The following NANOS3 variants were observed in gnomAD, a reference collection of about 807,000 sequenced individuals.
The protein encoded by NANOS3 is nanos C2HC-type zinc finger 3, also known as nanos homolog 3.
A neutral mutation model predicts 13.8 loss-of-function variants in NANOS3; 11 were observed. That is an observed-to-expected ratio of 0.80 (90% CI 0.50 to 1.32). The LOEUF is 1.32. Among genes scored for constraint, NANOS3 ranks in the 40% most tolerant of loss-of-function variants. The probability of loss-of-function intolerance (pLI) is 0.00; values close to 1 mark genes in which losing one functional copy is unlikely to be tolerated. For synonymous variants in NANOS3, 119 were observed against 115.4 expected, an observed-to-expected ratio of 1.03 and a Z score of -0.20; for missense variants, 221 against 263.8, an observed-to-expected ratio of 0.84 and a Z score of 1.12.
At chr19:13,862,368 T>C (rs1030700094), upstream of NANOS3, among the ~76,000 whole-genome samples, 3 of 151,918 alleles carry the variant, frequency 2.0e-5, no homozygotes, top group African/African-American at 4.8e-5. Flanking sequence ...GAGACTGCGC[T>C]GAGAGCTGAG....
upstream of NANOS3, among the ~76,000 whole-genome samples, chr19:13,875,678 C>T (rs75903614): frequency 1.7e-4 from 26 of 151,818 alleles, no homozygotes; most frequent in Non-Finnish European, 5.9e-5. Context: ...CCCCAGTAGC[C>T]GGAACCACGG....
Position 13,880,451 on chromosome 19 carries a change from G to C in NANOS3, c.527G>C (p.Gly176Ala). The change falls in exon 2 of 2, where the codon GGT (glycine) becomes GCT (alanine). Residue 176 changes from glycine (G) to alanine (A), a missense_variant. Gly to Ala is a moderately conservative substitution (Grantham distance 60, BLOSUM62 0). This residue lies in a region of NANOS3 where 60 missense variants were observed against 56.5 expected (regional missense o/e 1.06). Coordinates refer to ENST00000339133, the MANE Select transcript of NANOS3 (RefSeq NM_001098622.3). ...CCTCCCCCTCCACTAGGTTTCAGAG[G>C]TGCCGGGAAGTCTGAGCCTTCGCCC... Reference protein sequence around the residue: ...RGGGGGAGFRGAGKSEPSPSC... With the variant: ...RGGGGGAGFRAAGKSEPSPSC... 6.2e-7 allele frequency: 1 copy of C among 1,614,026 alleles called. No homozygotes were observed. The highest frequency in any genetic ancestry group is 1.1e-5 in the South Asian group (1 of 91,068).
At chr19:13,869,310 G>A (rs1012924009) in intron 1 of NANOS3, among the ~76,000 whole-genome samples, 8 of 151,960 alleles carry the variant, frequency 5.3e-5, no homozygotes, top group African/African-American at 1.9e-4. Flanking sequence ...CACCGTGCCC[G>A]GCCTGAATTC....
At chr19:13,870,954 A>G (rs1044927666) in intron 1 of NANOS3, among the ~76,000 whole-genome samples, 1 of 151,628 alleles carries the variant, frequency 6.6e-6, no homozygotes, top group Non-Finnish European at 1.5e-5. Context: ...AGACCCTCCC[A>G]GCTGCACTGG....
chr19:13,871,940 A>G (rs1017372104), intron 1 of NANOS3, among the ~76,000 whole-genome samples: 4 of 152,312 alleles, frequency 2.6e-5, no homozygotes, highest in Admixed American at 2.6e-4. Context: ...TCGAGGCTGC[A>G]GTGAGCTGTG....
chr19:13,877,113 G>T, upstream of NANOS3: 1 of 758,434 alleles, frequency 1.3e-6, no homozygotes, highest in South Asian at 1.7e-5. Flanking sequence ...GTAAAAGGAG[G>T]GTCGGCCAGC....
At chr19:13,880,388 G>C in intron 1 of NANOS3, 54 bp from the exon 2 acceptor site, 1 of 1,563,796 alleles carries the variant, frequency 6.4e-7, no homozygotes, top group Non-Finnish European at 8.8e-7. Flanking sequence ...GCAACTTGGG[G>C]AGCGTTGAGT....
rs543388017 is a variant in NANOS3, at chr19:13,880,674, C to T, written c.*171C>T. On this transcript the variant is annotated 3_prime_UTR_variant, in exon 2 of 2. Transcript: ENST00000339133. ...CTGAAATCGCCCTGTCCTTGGGGAC[C>T]CCACCCTTTGTGCCATCTGCCGTTT... 1 of 611,996 alleles carries T rather than the reference C, an allele frequency of 1.6e-6. No individual in the cohort carries two copies. The highest frequency in any genetic ancestry group is 2.8e-5 in the East Asian group (1 of 36,074). The allele number at this position is 611,996 out of a possible 1,614,324, so 37.9% of individuals were successfully genotyped here.
At chr19:13,869,780 A>G (rs1451635309) in intron 1 of NANOS3, among the ~76,000 whole-genome samples, 1 of 151,134 alleles carries the variant, frequency 6.6e-6, no homozygotes, top group Non-Finnish European at 1.5e-5. Flanking sequence ...GCACGCACAC[A>G]CACACACACA....
At chr19:13,878,641 G>A (rs1226531734) in intron 1 of NANOS3, among the ~76,000 whole-genome samples, 2 of 140,864 alleles carry the variant, frequency 1.4e-5, no homozygotes, top group East Asian at 2.0e-4. Flanking sequence ...ATAGAGTCTC[G>A]CTCTATCCAC....
chr19:13,880,620 G>A lies in NANOS3; in HGVS notation c.*117G>A, dbSNP rs1009324414. ...CCCCCCAGCCTGGGATTGAGCCCTG[G>A]GGATGACCCGGGGTTGGCAAGGGAA... On this transcript the variant is annotated 3_prime_UTR_variant, in exon 2 of 2. Transcript: ENST00000339133. 85 of 858,394 alleles carry A rather than the reference G, an allele frequency of 9.9e-5. 1 individual carries two copies. The South Asian group carries it at 1.1e-3, about 11-fold the overall frequency. The allele number at this position is 858,394 out of a possible 1,614,324, so 53.2% of individuals were successfully genotyped here.
In NANOS3 at chr19:13,877,644, C is replaced by G. The variant is rs1968542993; in HGVS notation, c.396C>G (p.Gly132=). The G allele has an allele frequency of 6.2e-7, 1 of 1,612,368 alleles. No individual in the cohort carries two copies. Residue 132 remains glycine (G), a synonymous_variant, in exon 1 of 2, where the codon GGC becomes GGG. Coordinates refer to ENST00000339133, the MANE Select transcript of NANOS3 (RefSeq NM_001098622.3). ...AHTRRFCPLT[G]QGYTSVYSHT... is the part of the protein sequence containing the mutation. The stretch of plus-strand genomic sequence containing the variant: ...CCCGACGCTTCTGCCCACTTACTGG[C>G]CAGGGCTACACCTCCGTCTACAGCC...
At chr19:13,871,315 T>C (rs1361568389) in intron 1 of NANOS3, among the ~76,000 whole-genome samples, 2 of 151,940 alleles carry the variant, frequency 1.3e-5, no homozygotes. Flanking sequence ...AACAGATGTG[T>C]GAGGGGCATA....
intron 1 of NANOS3, 133 bp from the exon 2 acceptor site, chr19:13,880,309 G>GT: frequency 1.3e-6 from 1 of 749,020 alleles, no homozygotes; most frequent in South Asian, 1.7e-5. Flanking sequence ...GACGTCACGG[G>GT]GTCGCTGTCT....
Position 13,877,659 on chromosome 19 carries a change from C to CGTCT in NANOS3, c.412_415dup (p.Tyr139CysfsTer18), listed in dbSNP as rs1568365864. 1 of 1,611,988 alleles carries CGTCT rather than the reference C, an allele frequency of 6.2e-7. No individual in the cohort carries two copies. Among genetic ancestry groups the CGTCT allele is most frequent in the Non-Finnish European group, 8.5e-7 (1 of 1,179,944 alleles). On this transcript the variant is annotated frameshift_variant, in exon 1 of 2. Transcript: ENST00000339133. LOFTEE classifies it high-confidence loss of function. ...CACTTACTGGCCAGGGCTACACCTC[C>CGTCT]GTCTACAGCCACACCACCCGAAACT...
chr19:13,868,542 G>C (rs1018183047), intron 1 of NANOS3, among the ~76,000 whole-genome samples: 1 of 151,840 alleles, frequency 6.6e-6, no homozygotes, highest in African/African-American at 2.4e-5. Context: ...TTAGCTGGGC[G>C]TGGTGGTGTG....
chr19:13,871,252 G>T (rs1041081320), intron 1 of NANOS3, among the ~76,000 whole-genome samples: 3 of 152,130 alleles, frequency 2.0e-5, no homozygotes, highest in African/African-American at 7.2e-5. Context: ...CATACAGGCA[G>T]ATCCAGACAG....
upstream of NANOS3, among the ~76,000 whole-genome samples, chr19:13,863,426 CA>C (rs1976185926): frequency 2.0e-5 from 3 of 152,098 alleles, no homozygotes; most frequent in South Asian, 6.2e-4. Flanking sequence ...CTGTGTTGCC[CA>C]GACTGGTCTT....
chr19:13,876,321 TGTGTG>T (rs1246255680), upstream of NANOS3, among the ~76,000 whole-genome samples: 1,570 of 151,962 alleles, frequency 0.01, 28 homozygotes, highest in African/African-American at 0.036. Context: ...TGTGTGTGTG[TGTGTG>T]TGTGTGTATT....
Sources: allele counts gnomAD v4.1 joint callset (sites outside exome capture counted in the v4.1 genomes callset), GRCh38; gene constraint gnomAD v4.1.1; regional missense constraint gnomAD v4.1.1; transcripts MANE v1.5; gene names NCBI Gene and HGNC (gene_info 2026-07-23, HGNC 2026-07-21).